ACOXL: variants seen among roughly 807,000 people sequenced by gnomAD.
ACOXL encodes acyl-CoA oxidase like, also known as acyl-coenzyme A oxidase-like protein.
ACOXL carries 70 observed loss-of-function variants against 71.9 expected under a neutral mutation model. The ratio of observed to expected loss-of-function variants is 0.97; its 90% CI spans 0.80 to 1.19. The LOEUF (loss-of-function observed/expected upper bound fraction) is 1.19. Ranked by LOEUF, ACOXL falls within the 50% of genes most tolerant of loss-of-function variation. ACOXL has a pLI of 0.00. For synonymous variants in ACOXL, 253 were observed against 281.6 expected (o/e 0.90, Z 1.02); for missense variants, 703 against 736.3 (o/e 0.95, Z 0.52).
In ACOXL at chr2:111,045,908, C is replaced by T. The variant is rs11884588; in HGVS notation, c.1370-3310C>T. Among the ~76,000 whole-genome samples the T allele has an allele frequency of 4.0e-3, 610 of 152,232 alleles. 7 individuals are homozygous for T. Among genetic ancestry groups the T allele is most frequent in the African/African-American group, 0.014 (577 of 41,534 alleles). ...TGAAGTGTGGCCTTGTGTTCCTACACGTGCACTTCAGTCCAGTTCCACAAA... is the reference window on the plus strand; with the variant it reads ...TGAAGTGTGGCCTTGTGTTCCTACATGTGCACTTCAGTCCAGTTCCACAAA... On this transcript the variant is annotated intron_variant, in intron 15 of 17. Transcript: ENST00000439055.
At chr2:111,025,718 T>G (rs1189228444) in intron 14 of ACOXL, among the ~76,000 whole-genome samples, 2 of 152,226 alleles carry the variant, frequency 1.3e-5, no homozygotes, top group Admixed American at 1.3e-4. Context: ...CTTTATTATA[T>G]GAGATTGCAT....
At chr2:110,872,473 G>A (rs1167305861) in intron 10 of ACOXL, among the ~76,000 whole-genome samples, 1 of 152,232 alleles carries the variant, frequency 6.6e-6, no homozygotes, top group Admixed American at 6.5e-5. Flanking sequence ...TGGGCCAGGT[G>A]TCCGTCTCCT....
Position 110,996,016 on chromosome 2 carries a change from C to T in ACOXL, c.1281+12C>T, listed in dbSNP as rs928703599. 6.4e-7 allele frequency: 1 copy of T among 1,573,262 alleles called. No homozygotes were observed. Among genetic ancestry groups the T allele is most frequent in the Non-Finnish European group, 8.6e-7 (1 of 1,163,188 alleles). On this transcript the variant is annotated intron_variant, in intron 14 of 17. Coordinates refer to ENST00000439055, the MANE Select transcript of ACOXL (RefSeq NM_001142807.4). ...GAATTTATTATAAGGTAAAGATACA[C>T]TGTGTTATATTTTTCCTTTTGACAT...
intron 17 of ACOXL, among the ~76,000 whole-genome samples, chr2:111,116,126 G>A (rs909492393): frequency 6.6e-6 from 1 of 152,208 alleles, no homozygotes; most frequent in Non-Finnish European, 1.5e-5. Context: ...GGAAAGTTTA[G>A]GGGCTGTGTA....
At chr2:110,960,620 A>G (rs974292191) in intron 12 of ACOXL, among the ~76,000 whole-genome samples, 4 of 142,442 alleles carry the variant, frequency 2.8e-5, no homozygotes, top group Non-Finnish European at 4.5e-5. Context: ...TCAGGCACCC[A>G]TTTACCTTCC....
chr2:111,010,783 A>AG (rs1482670807), intron 14 of ACOXL, among the ~76,000 whole-genome samples: 1 of 152,206 alleles, frequency 6.6e-6, no homozygotes, highest in Non-Finnish European at 1.5e-5. Context: ...GACAATAGAA[A>AG]GATATCTTTA....
chr2:110,782,386 G>A (rs1269442338), intron 2 of ACOXL, among the ~76,000 whole-genome samples: 1 of 152,192 alleles, frequency 6.6e-6, no homozygotes, highest in Non-Finnish European at 1.5e-5. Flanking sequence ...TGTGTGTGAA[G>A]AAGATGTTAA....
intron 15 of ACOXL, among the ~76,000 whole-genome samples, chr2:111,043,188 C>T (rs962309049): frequency 4.6e-5 from 7 of 152,146 alleles, no homozygotes; most frequent in East Asian, 1.9e-4. Flanking sequence ...GGCTGGGGGA[C>T]AGTGAGCAGG....
intron 12 of ACOXL, among the ~76,000 whole-genome samples, chr2:110,963,027 G>A (rs1296294180): frequency 1.3e-5 from 2 of 152,144 alleles, no homozygotes; most frequent in Non-Finnish European, 2.9e-5. Flanking sequence ...CTGTGTAGCT[G>A]ATTCTCTGGT....
At chr2:110,994,249 A>G (rs755581519) in intron 13 of ACOXL, among the ~76,000 whole-genome samples, 1 of 152,218 alleles carries the variant, frequency 6.6e-6, no homozygotes, top group Non-Finnish European at 1.5e-5. Context: ...GCAGAAACCC[A>G]AACTTCTTAA....
chr2:110,968,663 C>G, intron 12 of ACOXL: 1 of 1,120,416 alleles, frequency 8.9e-7, no homozygotes. Flanking sequence ...GAAGAAAGAT[C>G]AGATAGCTCA....
At chr2:110,867,660 T>G (rs1694771330) in intron 10 of ACOXL, among the ~76,000 whole-genome samples, 1 of 152,232 alleles carries the variant, frequency 6.6e-6, no homozygotes, top group Non-Finnish European at 1.5e-5. Context: ...GGACTTCTTT[T>G]GAATTCCAGG....
intron 10 of ACOXL, among the ~76,000 whole-genome samples, chr2:110,884,730 C>G (rs1697080361): frequency 6.6e-6 from 1 of 151,934 alleles, no homozygotes. Context: ...TCTAAAATGC[C>G]CAATATCTAA....
chr2:110,876,395 G>C (rs558209486), intron 10 of ACOXL, among the ~76,000 whole-genome samples: 2 of 152,140 alleles, frequency 1.3e-5, no homozygotes, highest in African/African-American at 2.4e-5. Flanking sequence ...CCAGGGGCCG[G>C]GTCAGCAGAC....
chr2:110,753,775 A>C (rs528021739), intron 1 of ACOXL, among the ~76,000 whole-genome samples: 45 of 152,300 alleles, frequency 3.0e-4, no homozygotes, highest in Non-Finnish European at 5.7e-4. Flanking sequence ...TATCTGTTTA[A>C]TTTTATGAAA....
At chr2:111,071,773 AAACTCCCTTCGTT>A (rs1245122483) in intron 16 of ACOXL, among the ~76,000 whole-genome samples, 1 of 152,206 alleles carries the variant, frequency 6.6e-6, no homozygotes, top group African/African-American at 2.4e-5. Context: ...AATTGTAGGC[AAACTCCCTTCGTT>A]CTGTTGTTGG....
intron 1 of ACOXL, among the ~76,000 whole-genome samples, chr2:110,766,999 C>T (rs1408555770): frequency 2.0e-5 from 3 of 152,206 alleles, no homozygotes; most frequent in African/African-American, 7.2e-5. Flanking sequence ...CCTGCTTTTG[C>T]AGGGTTATGG....
At chr2:111,049,099 C>G (rs1179558636) in intron 15 of ACOXL, 119 bp from the exon 16 acceptor site, 6 of 822,036 alleles carry the variant, frequency 7.3e-6, no homozygotes, top group Non-Finnish European at 9.8e-6. Context: ...GCCATGTCAC[C>G]AAGGAAGGAC....
intron 10 of ACOXL, among the ~76,000 whole-genome samples, chr2:110,871,486 A>G (rs1695268838): frequency 6.6e-6 from 1 of 151,716 alleles, no homozygotes; most frequent in Non-Finnish European, 1.5e-5. Context: ...TATTAATGCC[A>G]TTCGTCTCGG....
Sources: allele counts gnomAD v4.1 joint callset (sites outside exome capture counted in the v4.1 genomes callset), GRCh38; gene constraint gnomAD v4.1.1; transcripts MANE v1.5; gene names NCBI Gene and HGNC (gene_info 2026-07-23, HGNC 2026-07-21).